ZNF536: variants seen among roughly 807,000 people sequenced by gnomAD.
ZNF536 encodes zinc finger protein 536.
In ZNF536, 13 loss-of-function variants were observed where a neutral mutation model predicts 84.5. The ratio of observed to expected loss-of-function variants is 0.15; its 90% CI spans 0.10 to 0.24. The LOEUF (loss-of-function observed/expected upper bound fraction) is 0.24, where lower values mean the gene tolerates loss of function less well. Among genes scored for constraint, ZNF536 ranks in the 10% least tolerant of loss-of-function variants. The pLI, the probability that ZNF536 is intolerant of heterozygous loss-of-function variation, is 1.00. For missense variants in ZNF536, 1,536 were observed against 1,747.5 expected (o/e 0.88, Z 2.16); for synonymous variants, 811 against 742.5 (o/e 1.09, Z -1.50).
intron 2 of ZNF536, among the ~76,000 whole-genome samples, chr19:30,451,667 T>G (rs1034283087): frequency 6.6e-6 from 1 of 152,116 alleles, no homozygotes; most frequent in African/African-American, 2.4e-5. Flanking sequence ...TGGTTTTGCT[T>G]GTGAGGGATT....
chr19:30,335,335 G>A (rs886905948), intron 2 of ZNF536, among the ~76,000 whole-genome samples: 3 of 152,118 alleles, frequency 2.0e-5, no homozygotes, highest in Admixed American at 6.5e-5. Context: ...TGAGAGGCTC[G>A]GTTACATCTT....
chr19:30,678,738 C>CCG (rs1261778057), intron 1 of ZNF536, among the ~76,000 whole-genome samples: 1 of 150,886 alleles, frequency 6.6e-6, no homozygotes, highest in Admixed American at 6.6e-5. Context: ...CCCAAGCCCC[C>CCG]CCACACACAC....
chr19:30,274,319 T>C (rs551254172), intron 1 of ZNF536, among the ~76,000 whole-genome samples: 47 of 152,398 alleles, frequency 3.1e-4, no homozygotes, highest in African/African-American at 9.4e-4. Flanking sequence ...AATAGAAATA[T>C]AGTGCAAACC....
chr19:30,504,957 G>A (rs990678417), intron 2 of ZNF536, among the ~76,000 whole-genome samples: 1 of 151,936 alleles, frequency 6.6e-6, no homozygotes, highest in African/African-American at 2.4e-5. Context: ...AGTAATCAAA[G>A]AAAAAATTCA....
At position 30,470,709 on chromosome 19, in the gene ZNF536, G is replaced by A. The variant is rs150469043; in HGVS notation, c.2170+24977G>A. The stretch of plus-strand genomic sequence containing the variant: ...TCTTTTTTTTTTTTTTTTTTGAGAT[G>A]GAGTCTCGCTCTATCGCCCAGGCTG... On this transcript the variant is annotated intron_variant, in intron 2 of 4. Transcript: ENST00000355537. 3.5e-3 allele frequency among the ~76,000 whole-genome samples: 491 copies of A among 141,732 alleles called. 3 individuals are homozygous for A. Among genetic ancestry groups the A allele is most frequent in the African/African-American group, 0.012 (469 of 38,370 alleles). The allele number at this position is 141,732 out of a possible 152,430, so 93.0% of individuals were successfully genotyped here. A position where few individuals can be genotyped will look rare whatever the true frequency, so the allele number is the denominator to read the frequency against.
At chr19:30,335,376 C>T (rs1339990485) in intron 2 of ZNF536, among the ~76,000 whole-genome samples, 2 of 152,146 alleles carry the variant, frequency 1.3e-5, no homozygotes, top group Non-Finnish European at 2.9e-5. Context: ...GCTGCCACTG[C>T]CACCACAGCC....
intron 1 of ZNF536, among the ~76,000 whole-genome samples, chr19:30,643,728 A>C (rs945994926): frequency 3.3e-5 from 5 of 152,038 alleles, no homozygotes; most frequent in Non-Finnish European, 5.9e-5. Flanking sequence ...CGTACATTGT[A>C]TGTTCACTTA....
intron 1 of ZNF536, among the ~76,000 whole-genome samples, chr19:30,619,646 A>G (rs1410511647): frequency 6.6e-6 from 1 of 152,220 alleles, no homozygotes. Context: ...CACCCCCAGT[A>G]TTCCACATTC....
chr19:30,339,996 G>A lies in ZNF536; in HGVS notation c.-119-12372G>A, dbSNP rs114654615. Among the ~76,000 whole-genome samples, 931 of 152,262 alleles carry A rather than the reference G, an allele frequency of 6.1e-3. 8 individuals are homozygous for A. The highest frequency in any genetic ancestry group is 0.022 in the African/African-American group (908 of 41,554). On this transcript the variant is annotated intron_variant, in intron 2 of 5. Coordinates refer to the ZNF536 transcript ENST00000585628. ...GACCAGTGGGCACTCTTCATCCTAG[G>A]GAAGGCAGGTGGACTCCCCATGAAT...
At chr19:30,376,126 C>G (rs2048810305) in intron 1 of ZNF536, among the ~76,000 whole-genome samples, 1 of 152,138 alleles carries the variant, frequency 6.6e-6, no homozygotes, top group Non-Finnish European at 1.5e-5. Flanking sequence ...CCCTCAACCC[C>G]TTGTCCTCTA....
At chr19:30,528,088 A>G (rs1425519711) in intron 2 of ZNF536, among the ~76,000 whole-genome samples, 1 of 152,254 alleles carries the variant, frequency 6.6e-6, no homozygotes, top group Non-Finnish European at 1.5e-5. Context: ...TAGAAGCTCC[A>G]TAGAAATTAA....
intron 1 of ZNF536, among the ~76,000 whole-genome samples, chr19:30,685,954 T>C (rs1222692504): frequency 2.0e-5 from 3 of 152,182 alleles, no homozygotes. Flanking sequence ...TGGAGCAAGG[T>C]AGAAAATGTC....
At chr19:30,631,485 A>T (rs2048887472) in intron 1 of ZNF536, among the ~76,000 whole-genome samples, 1 of 152,160 alleles carries the variant, frequency 6.6e-6, no homozygotes, top group Non-Finnish European at 1.5e-5. Flanking sequence ...CAGGGAGAAG[A>T]TTGCTCACGA....
chr19:30,439,228 T>G (rs903767328), intron 1 of ZNF536, among the ~76,000 whole-genome samples: 1 of 152,164 alleles, frequency 6.6e-6, no homozygotes, highest in Non-Finnish European at 1.5e-5. Flanking sequence ...TTTCCCCAGC[T>G]TTGCATTCAG....
intron 1 of ZNF536, among the ~76,000 whole-genome samples, chr19:30,420,685 A>C (rs1418648439): frequency 6.6e-6 from 1 of 151,484 alleles, no homozygotes; most frequent in African/African-American, 2.4e-5. Context: ...CCCTCTGAGG[A>C]AAAAAAAAGT....
chr19:30,615,587 A>C (rs1471538735), intron 1 of ZNF536, among the ~76,000 whole-genome samples: 1 of 150,684 alleles, frequency 6.6e-6, no homozygotes, highest in African/African-American at 2.4e-5. Context: ...TTTACTATCT[A>C]GTTTTGTATT....
At chr19:30,325,204 G>A (rs1189107120) in intron 2 of ZNF536, among the ~76,000 whole-genome samples, 1 of 152,202 alleles carries the variant, frequency 6.6e-6, no homozygotes, top group Non-Finnish European at 1.5e-5. Flanking sequence ...TTTGCCTTCT[G>A]GGGGCTCCAG....
At chr19:30,364,043 G>C (rs2048352227) in intron 3 of ZNF536, among the ~76,000 whole-genome samples, 1 of 152,208 alleles carries the variant, frequency 6.6e-6, no homozygotes, top group Non-Finnish European at 1.5e-5. Context: ...TGGAACTTAG[G>C]ATACAGGTGT....
intron 1 of ZNF536, among the ~76,000 whole-genome samples, chr19:30,677,031 G>C (rs998750042): frequency 2.6e-5 from 4 of 152,190 alleles, no homozygotes; most frequent in Admixed American, 2.6e-4. Context: ...AAGATATTTT[G>C]CTTGTGAAAG....
Sources: gnomAD v4.1 joint callset for allele counts (sites outside exome capture counted in the v4.1 genomes callset) on GRCh38, gnomAD v4.1.1 for gene constraint, MANE v1.5 for transcripts, NCBI Gene and HGNC (gene_info 2026-07-23, HGNC 2026-07-21) for gene names.